The following OCA2 variants were observed in gnomAD, a reference collection of about 807,000 sequenced individuals.
OCA2 encodes the protein OCA2 melanosomal transmembrane protein.
Under a neutral mutation model 100.2 loss-of-function variants are expected in OCA2, and 77 were observed. That is an observed-to-expected ratio of 0.77 (90% confidence interval 0.64 to 0.93). The LOEUF (loss-of-function observed/expected upper bound fraction) is 0.93, where lower values mean the gene tolerates loss of function less well. Among genes scored for constraint, OCA2 ranks in the 40% least tolerant of loss-of-function variants. The pLI is 0.00. For missense variants in OCA2, 1,062 were observed against 1,089.1 expected, an observed-to-expected ratio of 0.98 and a Z score of 0.35; for synonymous variants, 432 against 439.2, an observed-to-expected ratio of 0.98 and a Z score of 0.21.
chr15:28,049,140 A>C (rs879320634), intron 2 of OCA2, among the ~76,000 whole-genome samples: 2 of 152,210 alleles, frequency 1.3e-5, no homozygotes, highest in African/African-American at 2.4e-5. Context: ...CAACAAAAAT[A>C]CAACCCAATT....
downstream of OCA2, among the ~76,000 whole-genome samples, chr15:27,752,806 C>T (rs797011973): frequency 6.6e-5 from 5 of 75,856 alleles, 1 homozygote; most frequent in East Asian, 4.6e-3. Context: ...CCCCACCCCC[C>T]CCCCCCCCCC....
intron 2 of OCA2, among the ~76,000 whole-genome samples, chr15:28,048,717 A>G (rs554128876): frequency 1.3e-3 from 203 of 152,256 alleles, no homozygotes; most frequent in South Asian, 6.6e-3. Context: ...TTCAAAAGAC[A>G]TTTCAGGGCC....
chr15:27,945,326 T>C (rs918955322), intron 18 of OCA2, among the ~76,000 whole-genome samples: 1 of 151,882 alleles, frequency 6.6e-6, no homozygotes, highest in Non-Finnish European at 1.5e-5. Context: ...CGCCTGGAAA[T>C]TGGGGGTTCA....
At chr15:27,984,916 A>G in intron 13 of OCA2, 148 bp downstream of exon 13, 2 of 911,398 alleles carry the variant, frequency 2.2e-6, no homozygotes, top group South Asian at 2.8e-5. Flanking sequence ...AGCAGACACG[A>G]GCTGGACTGG....
chr15:27,922,844 T>A (rs932418472), intron 19 of OCA2, among the ~76,000 whole-genome samples: 3 of 152,110 alleles, frequency 2.0e-5, no homozygotes, highest in Non-Finnish European at 2.9e-5. Context: ...CAGGGGTACA[T>A]GTGCAGGTTT....
At chr15:27,729,236 T>C in the OCA2 span, among the ~76,000 whole-genome samples, 3 of 152,096 alleles carry the variant, frequency 2.0e-5, no homozygotes, top group African/African-American at 7.2e-5. Context: ...TAGGTTTGTC[T>C]ATTGTATCCC....
At chr15:27,789,384 A>C (rs1295397555) in intron 23 of OCA2, among the ~76,000 whole-genome samples, 1 of 152,174 alleles carries the variant, frequency 6.6e-6, no homozygotes, top group Non-Finnish European at 1.5e-5. Context: ...TTTTCTAGAA[A>C]TGAAATTCTT....
intron 23 of OCA2, among the ~76,000 whole-genome samples, chr15:27,779,034 A>G (rs1011130720): frequency 3.9e-5 from 6 of 152,248 alleles, no homozygotes; most frequent in Non-Finnish European, 7.3e-5. Flanking sequence ...GAGATGAGAC[A>G]GAAGTTTACT....
chr15:27,906,963 G>C (rs1009587298), intron 19 of OCA2, among the ~76,000 whole-genome samples: 1 of 152,048 alleles, frequency 6.6e-6, no homozygotes, highest in African/African-American at 2.4e-5. Context: ...GAGGCGCCAG[G>C]CTCTTTTAAC....
the OCA2 span, among the ~76,000 whole-genome samples, chr15:27,741,811 T>TA: frequency 6.6e-6 from 1 of 152,204 alleles, no homozygotes; most frequent in African/African-American, 2.4e-5. Flanking sequence ...ACAATGCCAC[T>TA]ATGAATTGTT....
intron 2 of OCA2, among the ~76,000 whole-genome samples, chr15:28,075,819 A>G (rs1009332835): frequency 2.6e-5 from 4 of 152,200 alleles, no homozygotes; most frequent in Non-Finnish European, 4.4e-5. Flanking sequence ...TTTATTTGAC[A>G]TGCTTGAAAC....
At chr15:27,769,799 C>T (rs775503848) in intron 23 of OCA2, among the ~76,000 whole-genome samples, 1 of 150,746 alleles carries the variant, frequency 6.6e-6, no homozygotes, top group African/African-American at 2.5e-5. Flanking sequence ...GAGCAAGCCG[C>T]CCGGGCACGG....
chr15:27,841,014 A>G (rs2035321955), intron 23 of OCA2, among the ~76,000 whole-genome samples: 1 of 152,316 alleles, frequency 6.6e-6, no homozygotes, highest in South Asian at 2.1e-4. Context: ...AGACTGGGAG[A>G]AAATGTCCTA....
intron 19 of OCA2, among the ~76,000 whole-genome samples, chr15:27,911,566 T>C (rs796376434): frequency 2.6e-5 from 4 of 152,222 alleles, no homozygotes; most frequent in African/African-American, 7.2e-5. Context: ...AGAGATCACA[T>C]GGCAGGAGCA....
intron 2 of OCA2, among the ~76,000 whole-genome samples, chr15:28,037,751 A>C (rs1382196046): frequency 6.6e-6 from 1 of 152,206 alleles, no homozygotes; most frequent in African/African-American, 2.4e-5. Context: ...AATGGGACTC[A>C]GGATAGGCTC....
At position 27,771,307 on chromosome 15, in the gene OCA2, C is replaced by T. The variant is rs189841143; in HGVS notation, c.2433-15835G>A. On this transcript the variant is annotated intron_variant, in intron 23 of 23. Transcript: ENST00000354638. ...AGGTCACAGCGCTACTGCCACTCCA[C>T]GGCCCCAGCTCGGAGAAAGGGCGGC... Among the ~76,000 whole-genome samples, 306 of 151,872 alleles carry T rather than the reference C, an allele frequency of 2.0e-3. 5 individuals are homozygous for T. Among genetic ancestry groups the T allele is most frequent in the African/African-American group, 6.9e-3 (285 of 41,426 alleles).
chr15:27,783,196 G>A, intron 23 of OCA2, among the ~76,000 whole-genome samples: 1 of 152,146 alleles, frequency 6.6e-6, no homozygotes, highest in East Asian at 1.9e-4. Context: ...GGGGATTCTG[G>A]GGACCCCAAG....
intron 23 of OCA2, among the ~76,000 whole-genome samples, chr15:27,765,927 T>C (rs2151010482): frequency 6.6e-6 from 1 of 152,328 alleles, no homozygotes; most frequent in Non-Finnish European, 1.5e-5. Context: ...CTGTATCTTG[T>C]GCCAACCTCC....
intron 19 of OCA2, among the ~76,000 whole-genome samples, chr15:27,892,486 T>C (rs1422605530): frequency 6.6e-6 from 1 of 152,066 alleles, no homozygotes; most frequent in African/African-American, 2.4e-5. Context: ...GGTCTCAAAG[T>C]AAATTTTAAA....
Sources: gnomAD v4.1 joint callset for allele counts (sites outside exome capture counted in the v4.1 genomes callset) on GRCh38, gnomAD v4.1.1 for gene constraint, MANE v1.5 for transcripts, NCBI Gene and HGNC (gene_info 2026-07-23, HGNC 2026-07-21) for gene names.